NEGR1: variants seen among roughly 807,000 people sequenced by gnomAD.
The protein encoded by NEGR1 is IgLON family member 4.
NEGR1 carries 10 observed loss-of-function variants against 40.9 expected under a neutral mutation model. That is an observed-to-expected ratio of 0.24 (90% CI 0.15 to 0.42). The LOEUF (loss-of-function observed/expected upper bound fraction) is 0.42. NEGR1 is among the 10% of genes least tolerant of loss of function. The pLI is 1.00. For synonymous variants in NEGR1, 185 were observed against 166.8 expected (o/e 1.11, Z -0.84); for missense variants, 352 against 438.9 (o/e 0.80, Z 1.77).
At chr1:72,073,757 C>A (rs1647581414) in intron 1 of NEGR1, among the ~76,000 whole-genome samples, 1 of 151,434 alleles carries the variant, frequency 6.6e-6, no homozygotes, top group Non-Finnish European at 1.5e-5. Context: ...AAAGAGATAT[C>A]CTTAAGATTC....
intron 4 of NEGR1, among the ~76,000 whole-genome samples, chr1:71,634,368 G>A (rs1206328377): frequency 6.6e-6 from 1 of 152,084 alleles, no homozygotes; most frequent in African/African-American, 2.4e-5. Flanking sequence ...GCCAAATGCA[G>A]GCAGCACCAT....
intron 2 of NEGR1, among the ~76,000 whole-genome samples, chr1:71,921,451 C>T (rs933089057): frequency 6.6e-6 from 1 of 152,126 alleles, no homozygotes; most frequent in South Asian, 2.1e-4. Flanking sequence ...CACAGCAGGA[C>T]CAACCCCTCT....
At position 72,282,305 on chromosome 1, in the gene NEGR1, G is replaced by T; in HGVS notation, c.176+14C>A. 6.2e-7 allele frequency: 1 copy of T among 1,612,830 alleles called. No homozygotes were observed. Reference sequence around the variant, plus strand: ...AGACCGAAACAAGTACGAAAAGCACGCCGTTCTTCCTACCTAAGCACCGCC... The same window carrying T: ...AGACCGAAACAAGTACGAAAAGCACTCCGTTCTTCCTACCTAAGCACCGCC... On this transcript the variant is annotated intron_variant, in intron 1 of 6. Transcript: ENST00000357731.
intron 3 of NEGR1, among the ~76,000 whole-genome samples, chr1:71,711,600 A>G (rs976159896): frequency 6.6e-6 from 1 of 152,016 alleles, no homozygotes; most frequent in Non-Finnish European, 1.5e-5. Context: ...TCAGTTTTTC[A>G]TAAAACTGAA....
chr1:71,979,446 GA>G (rs1377833792), intron 1 of NEGR1, among the ~76,000 whole-genome samples: 1 of 152,062 alleles, frequency 6.6e-6, no homozygotes, highest in African/African-American at 2.4e-5. Context: ...TTCCATCTGT[GA>G]AAAAATTCCA....
chr1:72,060,208 G>T (rs111488872), intron 1 of NEGR1, among the ~76,000 whole-genome samples: 2,117 of 151,614 alleles, frequency 0.014, 48 homozygotes, highest in African/African-American at 0.048. Flanking sequence ...AACCTATCTT[G>T]ATTTTTTTCC....
At chr1:71,927,940 A>C (rs1486804918) in intron 2 of NEGR1, among the ~76,000 whole-genome samples, 1 of 146,602 alleles carries the variant, frequency 6.8e-6, no homozygotes, top group Non-Finnish European at 1.5e-5. Context: ...TTGAGGCTGC[A>C]GTAGGCCAAG....
intron 3 of NEGR1, among the ~76,000 whole-genome samples, chr1:71,716,894 G>A (rs1654296229): frequency 6.6e-6 from 1 of 152,016 alleles, no homozygotes; most frequent in African/African-American, 2.4e-5. Context: ...AATTTAAATT[G>A]CAAAAAACAA....
chr1:71,997,249 T>A (rs1023344762), intron 1 of NEGR1, among the ~76,000 whole-genome samples: 3 of 152,056 alleles, frequency 2.0e-5, no homozygotes, highest in African/African-American at 7.2e-5. Flanking sequence ...CTTAAGATAC[T>A]ATTCCAGGCT....
rs1290396211 is a variant in NEGR1 at position 71,637,548 on chromosome 1, T to A, written c.668-26402A>T. 5.3e-5 allele frequency among the ~76,000 whole-genome samples: 8 copies of A among 152,080 alleles called. No homozygotes were observed. The South Asian group carries it at 1.5e-3, about 28-fold the overall frequency. On this transcript the variant is annotated intron_variant, in intron 4 of 6. Transcript: ENST00000357731. ...GCAGTAACAGAATAAAGTCTAAATG[T>A]TCACTGCTTAGAGGATTATAAAAAA...
chr1:72,104,960 T>G (rs1649081220), intron 1 of NEGR1, among the ~76,000 whole-genome samples: 1 of 152,092 alleles, frequency 6.6e-6, no homozygotes, highest in South Asian at 2.1e-4. Flanking sequence ...AGATATAACC[T>G]AGTATGTTTT....
chr1:71,575,214 A>G (rs960381208), intron 6 of NEGR1, among the ~76,000 whole-genome samples: 1 of 152,218 alleles, frequency 6.6e-6, no homozygotes, highest in Non-Finnish European at 1.5e-5. Context: ...GGTAATTTAT[A>G]TATTGCAACA....
intron 1 of NEGR1, among the ~76,000 whole-genome samples, chr1:72,215,766 G>A (rs973199144): frequency 2.0e-5 from 3 of 152,066 alleles, no homozygotes; most frequent in African/African-American, 7.2e-5. Flanking sequence ...TGGTGGGACT[G>A]TAAATTAGTT....
intron 3 of NEGR1, among the ~76,000 whole-genome samples, chr1:71,732,252 G>A (rs959967622): frequency 4.6e-5 from 7 of 152,072 alleles, no homozygotes; most frequent in Non-Finnish European, 1.0e-4. Context: ...GGGCTGCAGT[G>A]AGCCGACATT....
At chr1:71,464,940 T>A (rs1161443943) in intron 6 of NEGR1, among the ~76,000 whole-genome samples, 2 of 152,078 alleles carry the variant, frequency 1.3e-5, no homozygotes, top group African/African-American at 4.8e-5. Flanking sequence ...GTTCATTTCT[T>A]CTTAAGAGAA....
At chr1:72,279,159 G>C (rs1376185099) in intron 1 of NEGR1, among the ~76,000 whole-genome samples, 3 of 152,058 alleles carry the variant, frequency 2.0e-5, no homozygotes, top group Admixed American at 2.0e-4. Context: ...CTGTATTTAA[G>C]CTAAACAGAA....
At chr1:72,028,579 T>A (rs543296274) in intron 1 of NEGR1, among the ~76,000 whole-genome samples, 1 of 152,338 alleles carries the variant, frequency 6.6e-6, no homozygotes, top group South Asian at 2.1e-4. Flanking sequence ...CCTCAGCACA[T>A]CACACTGAGT....
chr1:71,756,665 G>A (rs763201235), intron 3 of NEGR1, among the ~76,000 whole-genome samples: 1 of 151,938 alleles, frequency 6.6e-6, no homozygotes, highest in Non-Finnish European at 1.5e-5. Context: ...ATTTGCTCCT[G>A]TCTCCATTCC....
At chr1:72,114,579 T>A (rs1037020970) in intron 1 of NEGR1, among the ~76,000 whole-genome samples, 3 of 151,810 alleles carry the variant, frequency 2.0e-5, no homozygotes, top group African/African-American at 7.2e-5. Flanking sequence ...TTTCTGTTTC[T>A]CTGAAGAAAT....
Sources: allele counts gnomAD v4.1 joint callset (sites outside exome capture counted in the v4.1 genomes callset), GRCh38; gene constraint gnomAD v4.1.1; transcripts MANE v1.5; gene names NCBI Gene and HGNC (gene_info 2026-07-23, HGNC 2026-07-21).